PPIL4: variants seen among roughly 807,000 people sequenced by gnomAD.
PPIL4 encodes the protein peptidyl-prolyl cis-trans isomerase-like 4.
PPIL4 carries 50 observed loss-of-function variants against 69.1 expected under a neutral mutation model. That is an observed-to-expected ratio of 0.72 (90% CI 0.58 to 0.92). The LOEUF is 0.92. Ranked by LOEUF, PPIL4 falls within the 40% of genes least tolerant of loss-of-function variation. The probability of loss-of-function intolerance (pLI) is 0.00; values close to 1 mark genes in which losing one functional copy is unlikely to be tolerated. For synonymous variants in PPIL4, 193 were observed against 191.6 expected, an observed-to-expected ratio of 1.01 and a Z score of -0.06; for missense variants, 480 against 587.9, an observed-to-expected ratio of 0.82 and a Z score of 1.90.
intron 5 of PPIL4, 24 bp from the exon 6 acceptor site, chr6:149,534,798 ATGT>A (rs1777249651): frequency 1.6e-6 from 2 of 1,244,384 alleles, no homozygotes; most frequent in African/African-American, 1.5e-5. Context: ...TCCAAATCAA[ATGT>A]TATACATTGA....
rs760343744 is a variant in PPIL4, at chr6:149,526,725, C to CA, written c.729dup (p.Val244CysfsTer3). On this transcript the variant is annotated frameshift_variant, in exon 8 of 13. Coordinates refer to ENST00000253329, the MANE Select transcript of PPIL4 (RefSeq NM_139126.4). LOFTEE classifies it high-confidence loss of function. ...GTGGTCACTGGGTTCAATTTACACA[C>CA]AAACAGTACATTTTCTGGAGGTTTA... 68 of 1,612,722 alleles carry CA rather than the reference C, an allele frequency of 4.2e-5. No individual in the cohort carries two copies. The highest frequency in any genetic ancestry group is 5.5e-5 in the Non-Finnish European group (65 of 1,179,020).
Position 149,534,745 on chromosome 6 carries a change from G to C in PPIL4, c.494C>G (p.Pro165Arg), listed in dbSNP as rs377404090. Residue 165 changes from proline to arginine, a missense_variant, in exon 6 of 13, where the codon CCA becomes CGA. By Grantham distance (103) the Pro-to-Arg change is moderately radical. Transcript: ENST00000253329. ...TAATAAATCAGGAGGGTCATCAAAT[G>C]GATCATCTAAAATCACCGTATGATT... ...RINHTVILDDPFDDPPDLLIP... is the reference protein window; with the variant it reads ...RINHTVILDDRFDDPPDLLIP... 50 of 1,588,996 alleles carry C rather than the reference G, an allele frequency of 3.1e-5. No homozygotes were observed. Among genetic ancestry groups the C allele is most frequent in the Non-Finnish European group, 4.0e-5 (47 of 1,161,790 alleles).
chr6:149,511,868 T>C (rs1409471178), intron 12 of PPIL4, among the ~76,000 whole-genome samples: 1 of 152,230 alleles, frequency 6.6e-6, no homozygotes, highest in African/African-American at 2.4e-5. Flanking sequence ...ACCACACTTG[T>C]TTCTGATGGG....
chr6:149,505,474 T>C lies in PPIL4; in HGVS notation c.1458A>G (p.Lys486=). ...RSRSPKKSKD[K]EKSKYR ...TCTTTCATCTATACTTAGATTTTTCTTTATCTTTGGACTTCTTTGGACTTC... is the reference window on the plus strand; with the variant it reads ...TCTTTCATCTATACTTAGATTTTTCCTTATCTTTGGACTTCTTTGGACTTC... The change falls in exon 13 of 13, where the codon AAA becomes AAG. Residue 486 remains lysine (K), a synonymous_variant. Transcript: ENST00000253329. 1 of 1,612,530 alleles carries C rather than the reference T, an allele frequency of 6.2e-7. No homozygotes were observed.
chr6:149,530,697 G>C (rs1039477407), intron 7 of PPIL4, among the ~76,000 whole-genome samples: 6 of 151,664 alleles, frequency 4.0e-5, no homozygotes, highest in Non-Finnish European at 7.4e-5. Context: ...CCTTACAGTA[G>C]AATGCAGGTT....
At chr6:149,531,898 G>A (rs1305453850) in intron 7 of PPIL4, among the ~76,000 whole-genome samples, 1 of 152,154 alleles carries the variant, frequency 6.6e-6, no homozygotes, top group Non-Finnish European at 1.5e-5. Flanking sequence ...TCGAACTCCT[G>A]ACCTCGTGAT....
chr6:149,526,376 T>G (rs1170003118), intron 8 of PPIL4, among the ~76,000 whole-genome samples: 1 of 152,226 alleles, frequency 6.6e-6, no homozygotes, highest in Non-Finnish European at 1.5e-5. Context: ...ATTACAGAAC[T>G]AGATTTAAAT....
intron 11 of PPIL4, among the ~76,000 whole-genome samples, chr6:149,513,112 G>A (rs1250536113): frequency 2.0e-5 from 3 of 147,288 alleles, no homozygotes; most frequent in Non-Finnish European, 3.0e-5. Context: ...AAAGCCAGGC[G>A]TGGTGGCTCA....
Position 149,541,564 on chromosome 6 carries a change from C to T in PPIL4, c.93G>A (p.Leu31=). The stretch of plus-strand genomic sequence containing the variant: ...AATAATTGTAATATTTTATTTTGCA[C>T]AGTTTCAAGAAATTCAAGCAGGCTG... The part of the protein sequence containing the change: ...RPRACLNFLK[L]CKIKYYNYCL... The change falls in exon 2 of 13, where the codon CTG becomes CTA. Residue 31 remains leucine, a synonymous_variant. Transcript: ENST00000253329. The T allele has an allele frequency of 6.3e-7, 1 of 1,580,774 alleles. No individual in the cohort carries two copies. Among genetic ancestry groups the T allele is most frequent in the Non-Finnish European group, 8.7e-7 (1 of 1,151,642 alleles).
chr6:149,531,763 G>C (rs992578172), intron 7 of PPIL4, among the ~76,000 whole-genome samples: 1 of 152,066 alleles, frequency 6.6e-6, no homozygotes, highest in Non-Finnish European at 1.5e-5. Context: ...TTCGCCTGCT[G>C]GGTTCAAGCG....
intron 1 of PPIL4, among the ~76,000 whole-genome samples, chr6:149,544,633 G>C (rs1431375295): frequency 6.6e-6 from 1 of 152,200 alleles, no homozygotes; most frequent in African/African-American, 2.4e-5. Flanking sequence ...TGCTTAGAAA[G>C]GAGGGAGAGC....
At chr6:149,536,664 G>C (rs1777280634) in intron 4 of PPIL4, among the ~76,000 whole-genome samples, 1 of 147,200 alleles carries the variant, frequency 6.8e-6, no homozygotes, top group African/African-American at 2.5e-5. Context: ...AGCTGCAAAA[G>C]AAAGTCTGAA....
At chr6:149,531,880 G>A (rs1471370856) in intron 7 of PPIL4, among the ~76,000 whole-genome samples, 1 of 152,134 alleles carries the variant, frequency 6.6e-6, no homozygotes, top group African/African-American at 2.4e-5. Context: ...ATGTTGGCCA[G>A]GCTGGTCTCG....
intron 4 of PPIL4, 57 bp downstream of exon 4, chr6:149,540,885 G>C: frequency 9.6e-7 from 1 of 1,046,534 alleles, no homozygotes; most frequent in Non-Finnish European, 1.5e-6. Context: ...TAACTCTGTG[G>C]GCTCCTTCCA....
intron 11 of PPIL4, among the ~76,000 whole-genome samples, chr6:149,516,250 TG>T (rs1776942333): frequency 6.6e-6 from 1 of 152,228 alleles, no homozygotes; most frequent in African/African-American, 2.4e-5. Context: ...CCTTGAATGT[TG>T]ATCTTTTCTG....
chr6:149,506,880 G>T (rs1212143783), intron 12 of PPIL4, among the ~76,000 whole-genome samples: 1 of 152,172 alleles, frequency 6.6e-6, no homozygotes, highest in Non-Finnish European at 1.5e-5. Flanking sequence ...TTACAGGCAT[G>T]AGCCACCTCA....
intron 11 of PPIL4, among the ~76,000 whole-genome samples, chr6:149,513,575 C>T (rs116285072): frequency 0.027 from 4,056 of 149,792 alleles, 161 homozygotes; most frequent in African/African-American, 0.093. Context: ...TTATCAACAA[C>T]GATAAATGCT....
At chr6:149,526,528 C>T in intron 8 of PPIL4, 124 bp downstream of exon 8, 1 of 803,370 alleles carries the variant, frequency 1.2e-6, no homozygotes, top group Non-Finnish European at 2.0e-6. Context: ...AAAGACTCAC[C>T]TGTAAAAATT....
In PPIL4 at chr6:149,546,026, T is replaced by C; in HGVS notation, c.-21A>G. Reference sequence around the variant, plus strand: ...GCCATGGCGCCCGCTCCTCCTCCGCTACAAACCCCGGGAGGAGGGGGGTGA... The same window carrying C: ...GCCATGGCGCCCGCTCCTCCTCCGCCACAAACCCCGGGAGGAGGGGGGTGA... On this transcript the variant is annotated 5_prime_UTR_variant, in exon 1 of 13. Transcript: ENST00000253329. The C allele has an allele frequency of 1.9e-6, 3 of 1,561,882 alleles. No homozygotes were observed. Among genetic ancestry groups the C allele is most frequent in the Non-Finnish European group, 2.6e-6 (3 of 1,151,006 alleles).
Sources: gnomAD v4.1 joint callset for allele counts (sites outside exome capture counted in the v4.1 genomes callset) on GRCh38, gnomAD v4.1.1 for gene constraint, MANE v1.5 for transcripts, NCBI Gene and HGNC (gene_info 2026-07-23, HGNC 2026-07-21) for gene names.